The following DTNB variants were observed in gnomAD, a reference collection of about 807,000 sequenced individuals.
DTNB encodes the protein dystrobrevin beta.
DTNB carries 63 observed loss-of-function variants against 90.7 expected under a neutral mutation model. The observed-to-expected ratio is 0.69, with a 90% CI of 0.57 to 0.86. The LOEUF is 0.86. DTNB is among the 40% of genes least tolerant of loss of function. The probability of loss-of-function intolerance (pLI) is 0.00; values close to 1 mark genes in which losing one functional copy is unlikely to be tolerated. For missense variants in DTNB, 744 were observed against 807.1 expected (o/e 0.92, Z 0.95); for synonymous variants, 277 against 286.7 (o/e 0.97, Z 0.34).
intron 2 of DTNB, chr2:25,650,340 G>A (rs2080596324): frequency 1.7e-6 from 1 of 595,332 alleles, no homozygotes. Flanking sequence ...ATAGTGCCTG[G>A]AGCATAGCAG....
intron 6 of DTNB, among the ~76,000 whole-genome samples, chr2:25,590,474 T>C (rs770289686): frequency 7.9e-5 from 12 of 151,800 alleles, no homozygotes; most frequent in African/African-American, 1.5e-4. Context: ...GCTCTCAGCA[T>C]AGAGGAGACT....
At chr2:25,618,936 T>C (rs1573512852) in intron 4 of DTNB, among the ~76,000 whole-genome samples, 2 of 152,292 alleles carry the variant, frequency 1.3e-5, no homozygotes, top group East Asian at 1.9e-4. Flanking sequence ...AAGCAGACAA[T>C]GAGTCACCCT....
At chr2:25,418,734 G>A (rs924498063) in intron 16 of DTNB, among the ~76,000 whole-genome samples, 5 of 150,848 alleles carry the variant, frequency 3.3e-5, no homozygotes, top group Admixed American at 6.6e-5. Context: ...AAAATTAAAC[G>A]TTTTGTATTT....
At chr2:25,530,405 C>G (rs558520009) in intron 9 of DTNB, among the ~76,000 whole-genome samples, 98 of 152,220 alleles carry the variant, frequency 6.4e-4, no homozygotes, top group Non-Finnish European at 1.1e-3. Context: ...CCACTGCACT[C>G]CAGACTAGGT....
At chr2:25,506,391 C>T (rs988895681) in intron 9 of DTNB, among the ~76,000 whole-genome samples, 5 of 150,802 alleles carry the variant, frequency 3.3e-5, no homozygotes, top group African/African-American at 7.3e-5. Context: ...CATGAGTACA[C>T]GTGCAGGATG....
intron 8 of DTNB, among the ~76,000 whole-genome samples, chr2:25,566,357 T>C (rs2059033640): frequency 6.6e-6 from 1 of 152,174 alleles, no homozygotes; most frequent in African/African-American, 2.4e-5. Context: ...AACTACAGCC[T>C]CAACTGACAC....
At chr2:25,456,468 T>C (rs1188422836) in intron 10 of DTNB, among the ~76,000 whole-genome samples, 1 of 152,262 alleles carries the variant, frequency 6.6e-6, no homozygotes, top group Non-Finnish European at 1.5e-5. Context: ...AATGTCCATT[T>C]ACAATTAAAG....
intron 4 of DTNB, among the ~76,000 whole-genome samples, chr2:25,612,974 G>A (rs1003389501): frequency 1.3e-5 from 2 of 152,018 alleles, no homozygotes; most frequent in Non-Finnish European, 2.9e-5. Flanking sequence ...CTGTACTGGA[G>A]ATCTCTAAAC....
At position 25,447,889 on chromosome 2, in the gene DTNB, TCTTCA is replaced by T. The variant is rs1237610225; in HGVS notation, c.1257+3654_1257+3658del. 2.0e-5 allele frequency among the ~76,000 whole-genome samples: 3 copies of T among 152,212 alleles called. No homozygotes were observed. In the East Asian group the frequency reaches 5.8e-4, roughly 29 times the overall value. On this transcript the variant is annotated intron_variant, in intron 12 of 20. Coordinates refer to ENST00000406818, the MANE Select transcript of DTNB (RefSeq NM_021907.5). Reference sequence around the variant, plus strand: ...TTAATGTGAGAACCTCATTTCCAACTCTTCACTTTGCACGTAACCGAGGTTTTGCC... The same window carrying T: ...TTAATGTGAGAACCTCATTTCCAACTCTTTGCACGTAACCGAGGTTTTGCC...
At chr2:25,526,474 C>T (rs1238661733) in intron 9 of DTNB, among the ~76,000 whole-genome samples, 5 of 148,436 alleles carry the variant, frequency 3.4e-5, no homozygotes, top group Non-Finnish European at 5.9e-5. Context: ...CAGCTCACTG[C>T]AACCTCTGCC....
At position 25,413,996 on chromosome 2, in the gene DTNB, A is replaced by G. The variant is rs377342681; in HGVS notation, c.1575+5519T>C. On this transcript the variant is annotated intron_variant, in intron 16 of 20. Transcript: ENST00000406818. ...TCTAACTGGTGTGAGATGGTATCTC[A>G]TTGTGGTTTTGATTTGCATTTCTCT... Among the ~76,000 whole-genome samples, 63 of 152,164 alleles carry G rather than the reference A, an allele frequency of 4.1e-4. No homozygotes were observed. The South Asian group carries it at 0.012, about 29-fold the overall frequency.
At chr2:25,616,630 TA>T (rs58950790) in intron 4 of DTNB, among the ~76,000 whole-genome samples, 12 of 117,674 alleles carry the variant, frequency 1.0e-4, no homozygotes, top group African/African-American at 1.4e-4. Context: ...CTATTTATAG[TA>T]AAAAAAAAAA....
chr2:25,398,919 A>G (rs1407359871), intron 16 of DTNB, among the ~76,000 whole-genome samples: 1 of 152,174 alleles, frequency 6.6e-6, no homozygotes, highest in African/African-American at 2.4e-5. Flanking sequence ...ATTCTTAATA[A>G]ATACTTGTTA....
chr2:25,612,776 T>G (rs1463981329), intron 4 of DTNB, among the ~76,000 whole-genome samples: 1 of 144,638 alleles, frequency 6.9e-6, no homozygotes, highest in East Asian at 2.0e-4. Context: ...ATAAAGATTA[T>G]TTAAAAACCT....
At chr2:25,420,352 G>C (rs17802463) in intron 15 of DTNB, among the ~76,000 whole-genome samples, 35 of 143,226 alleles carry the variant, frequency 2.4e-4, no homozygotes, top group African/African-American at 7.8e-4. Flanking sequence ...GACCCTGAAA[G>C]GTCATTCAAA....
At chr2:25,633,847 G>A (rs185890677) in intron 3 of DTNB, among the ~76,000 whole-genome samples, 65,424 of 147,544 alleles carry the variant, frequency 0.44, 15,363 homozygotes, top group East Asian at 0.75. Context: ...TGTGAGGAGC[G>A]CCTCTACCCG....
chr2:25,520,475 A>G (rs750621732), intron 9 of DTNB, among the ~76,000 whole-genome samples: 1 of 152,242 alleles, frequency 6.6e-6, no homozygotes, highest in South Asian at 2.1e-4. Flanking sequence ...AGACTCATCC[A>G]TCATTTTAAA....
chr2:25,554,231 C>G (rs2056887637), intron 8 of DTNB, among the ~76,000 whole-genome samples: 1 of 152,136 alleles, frequency 6.6e-6, no homozygotes, highest in Admixed American at 6.5e-5. Context: ...GGGAAGCATT[C>G]AAATGGAGAC....
At chr2:25,577,468 C>A (rs1037406014) in intron 7 of DTNB, among the ~76,000 whole-genome samples, 8 of 150,526 alleles carry the variant, frequency 5.3e-5, no homozygotes, top group Non-Finnish European at 1.0e-4. Context: ...AAAATTAGAA[C>A]TAAAGAATCT....
Sources: gnomAD v4.1 joint callset for allele counts (sites outside exome capture counted in the v4.1 genomes callset) on GRCh38, gnomAD v4.1.1 for gene constraint, MANE v1.5 for transcripts, NCBI Gene and HGNC (gene_info 2026-07-23, HGNC 2026-07-21) for gene names.